PSMD13: variants seen among roughly 807,000 people sequenced by gnomAD.
PSMD13 encodes proteasome 26S subunit, non-ATPase 13.
Under a neutral mutation model 57.4 loss-of-function variants are expected in PSMD13, and 8 were observed. The ratio of observed to expected loss-of-function variants is 0.14; its 90% CI spans 0.08 to 0.25. The LOEUF is 0.25. Ranked by LOEUF, PSMD13 falls within the 10% of genes least tolerant of loss-of-function variation. The pLI is 1.00. For synonymous variants in PSMD13, 193 were observed against 168.2 expected (o/e 1.15, Z -1.14); for missense variants, 400 against 461.5 (o/e 0.87, Z 1.22).
At chr11:245,694 TC>T (rs1564822094) in intron 6 of PSMD13, among the ~76,000 whole-genome samples, 27 of 68,690 alleles carry the variant, frequency 3.9e-4, no homozygotes, top group Admixed American at 4.6e-4. Context: ...GCATGTGTGT[TC>T]GTGTGTTTGT....
intron 2 of PSMD13, among the ~76,000 whole-genome samples, chr11:242,156 T>C (rs1239399078): frequency 1.3e-5 from 2 of 150,146 alleles, no homozygotes; most frequent in Non-Finnish European, 3.0e-5. Context: ...TTCTTTTTGC[T>C]CTTAAACTCA....
chr11:247,252 A>G (rs963470682), intron 6 of PSMD13, 25 bp from the exon 7 acceptor site: 19 of 1,586,596 alleles, frequency 1.2e-5, no homozygotes, highest in Non-Finnish European at 1.6e-5. Flanking sequence ...TTAAAAAGAG[A>G]GATGATTTTC....
intron 2 of PSMD13, chr11:243,058 T>C: frequency 2.6e-6 from 1 of 382,938 alleles, no homozygotes; most frequent in East Asian, 5.9e-5. Context: ...CCTCCCAAAG[T>C]GCTGGGATTA....
chr11:243,023 TG>T, intron 2 of PSMD13: 1 of 297,840 alleles, frequency 3.4e-6, no homozygotes, highest in East Asian at 8.2e-5. Context: ...TCCAATCTCT[TG>T]ACCTCATGAT....
Position 248,071 on chromosome 11 carries a change from C to T in PSMD13, c.568+623C>T, listed in dbSNP as rs568382292. 210 of 152,282 alleles carry T rather than the reference C, an allele frequency of 1.4e-3. 1 individual carries two copies. The Middle Eastern group carries it at 0.055, about 40-fold the overall frequency. 9.4% of individuals were successfully genotyped at this position (152,282 alleles called of 1,614,324 possible). A position where few individuals can be genotyped will look rare whatever the true frequency, so the allele number is the denominator to read the frequency against. On this transcript the variant is annotated intron_variant, in intron 7 of 12. Transcript: ENST00000532097. ...CCAACACCTTCTGAGCCCTCCCCGC[C>T]CACCCCTCTGCTGCAGAATAAAGGG...
At position 251,375 on chromosome 11, in the gene PSMD13, C is replaced by T; in HGVS notation, c.838-171C>T. ...TTTGCTGTTATCCTTCTTATCTAAGCATTAAAAGCTTGTTCTTAACAAGAT... is the reference window on the plus strand; with the variant it reads ...TTTGCTGTTATCCTTCTTATCTAAGTATTAAAAGCTTGTTCTTAACAAGAT... On this transcript the variant is annotated intron_variant, in intron 10 of 12. Transcript: ENST00000532097. The surrounding 1 kb of genome is among the most constrained non-coding windows in gnomAD (Gnocchi z 4.6). 1 of 611,876 alleles carries T rather than the reference C, an allele frequency of 1.6e-6. No individual in the cohort carries two copies. The highest frequency in any genetic ancestry group is 2.8e-6 in the Non-Finnish European group (1 of 353,396). 37.9% of individuals were successfully genotyped at this position (611,876 alleles called of 1,614,324 possible).
intron 9 of PSMD13, among the ~76,000 whole-genome samples, chr11:250,128 C>T (rs1859741671): frequency 6.6e-6 from 1 of 152,148 alleles, no homozygotes; most frequent in African/African-American, 2.4e-5. Flanking sequence ...CAGAGCTTGA[C>T]CTGTCCAGTA....
intron 9 of PSMD13, among the ~76,000 whole-genome samples, chr11:249,326 C>T (rs1370320782): frequency 6.6e-6 from 1 of 151,932 alleles, no homozygotes; most frequent in Non-Finnish European, 1.5e-5. Flanking sequence ...GGGGGTGTCA[C>T]AGAAGATGTA....
intron 2 of PSMD13, among the ~76,000 whole-genome samples, chr11:241,815 C>T (rs565039882): frequency 2.6e-5 from 4 of 152,348 alleles, no homozygotes; most frequent in East Asian, 1.9e-4. Flanking sequence ...ACCTGCTGTC[C>T]TCTCTGCCCC....
intron 1 of PSMD13, among the ~76,000 whole-genome samples, chr11:238,759 C>A (rs969350938): frequency 6.6e-6 from 1 of 152,314 alleles, no homozygotes; most frequent in East Asian, 1.9e-4. Context: ...TATATACTTA[C>A]CCGTTCAGTA....
At position 251,665 on chromosome 11, in the gene PSMD13, T is replaced by C. The variant is rs1403453293; in HGVS notation, c.918+39T>C. On this transcript the variant is annotated intron_variant, in intron 11 of 12. Coordinates refer to ENST00000532097, the MANE Select transcript of PSMD13 (RefSeq NM_002817.4). This position sits in a 1 kb window ranked among gnomAD's most constrained non-coding sequence, Gnocchi z 4.6. ...GCTCAGGGTGTTAGAGCAGCAAAGC[T>C]GCCACATGGAGGAGTCAAGGCTCTT... 3.2e-6 allele frequency: 5 copies of C among 1,584,624 alleles called. No individual in the cohort carries two copies. Among genetic ancestry groups the C allele is most frequent in the Non-Finnish European group, 1.7e-6 (2 of 1,155,316 alleles).
intron 1 of PSMD13, among the ~76,000 whole-genome samples, chr11:238,544 G>T (rs939146642): frequency 4.6e-5 from 7 of 152,158 alleles, no homozygotes; most frequent in African/African-American, 1.7e-4. Flanking sequence ...AGTGGCTCAT[G>T]CCTGTAATCC....
At chr11:246,193 T>C (rs1306243324) in intron 6 of PSMD13, among the ~76,000 whole-genome samples, 1 of 152,182 alleles carries the variant, frequency 6.6e-6, no homozygotes, top group Non-Finnish European at 1.5e-5. Flanking sequence ...TCACAACATA[T>C]GTATCCAGTC....
chr11:241,503 G>T (rs1859515117), intron 2 of PSMD13, among the ~76,000 whole-genome samples: 1 of 152,120 alleles, frequency 6.6e-6, no homozygotes. Flanking sequence ...ATTGCTACAG[G>T]GGTGTTTTCA....
chr11:242,779 A>T (rs928595059), intron 2 of PSMD13, among the ~76,000 whole-genome samples: 11 of 151,914 alleles, frequency 7.2e-5, no homozygotes, highest in Non-Finnish European at 7.4e-5. Flanking sequence ...TCCTGATACT[A>T]CATTATGTCT....
intron 2 of PSMD13, among the ~76,000 whole-genome samples, chr11:239,437 C>T (rs1418206740): frequency 1.3e-5 from 2 of 152,118 alleles, no homozygotes; most frequent in Admixed American, 6.5e-5. Flanking sequence ...TTTTAGTACT[C>T]TAGTTTTAGA....
intron 6 of PSMD13, 25 bp downstream of exon 6, chr11:244,786 A>T: frequency 6.6e-7 from 1 of 1,505,398 alleles, no homozygotes. Flanking sequence ...ATACAGATTT[A>T]TCTTTGGTTT....
Position 252,449 on chromosome 11 carries a change from T to G in PSMD13, c.1036-56T>G. 3.2e-6 allele frequency: 5 copies of G among 1,562,550 alleles called. No homozygotes were observed. The South Asian group carries it at 5.6e-5, about 17-fold the overall frequency. On this transcript the variant is annotated intron_variant, in intron 12 of 12. Transcript: ENST00000532097. The surrounding 1 kb of genome is among the most constrained non-coding windows in gnomAD (Gnocchi z 4.1). ...CCCCATCAGGTGCTGTGCCGGCCGC[T>G]CGGCCTGTGTCTCCTGCGTGTCTTA...
In PSMD13 at chr11:237,120, G is replaced by A. The variant is rs1396502007; in HGVS notation, c.71G>A (p.Arg24His). ...CCCGGGCAGCCCGCTGTGTGGCACC[G>A]TCTGGAGGAGCTCTACACGAAGAAG... ...SGPGQPAVWH[R>H]LEELYTKKLW... The change falls in exon 1 of 13, where the codon CGT becomes CAT. Residue 24 changes from arginine to histidine, a missense_variant. Physicochemically the swap from Arg to His is conservative, Grantham distance 29 (BLOSUM62 0). Transcript: ENST00000532097. The A allele has an allele frequency of 6.2e-7, 1 of 1,611,456 alleles. No homozygotes were observed. Among genetic ancestry groups the A allele is most frequent in the Non-Finnish European group, 8.5e-7 (1 of 1,178,860 alleles).
Sources: gnomAD v4.1 joint callset for allele counts (sites outside exome capture counted in the v4.1 genomes callset) on GRCh38, gnomAD v4.1.1 for gene constraint, Gnocchi (gnomAD v3.1) non-coding constraint, MANE v1.5 for transcripts, NCBI Gene and HGNC (gene_info 2026-07-23, HGNC 2026-07-21) for gene names.